The following NBPF15 variants were observed in gnomAD, a reference collection of about 807,000 sequenced individuals.
NBPF15 encodes the protein NBPF family member NBPF15.
NBPF15 carries 74 observed loss-of-function variants against 62.2 expected under a neutral mutation model. The ratio of observed to expected loss-of-function variants is 1.19; its 90% CI spans 0.99 to 1.44. NBPF15 has a LOEUF of 1.44. Ranked by LOEUF, NBPF15 falls within the 40% of genes most tolerant of loss-of-function variation. The pLI is 0.00. For missense variants in NBPF15, 790 were observed against 550.0 expected, an observed-to-expected ratio of 1.44 and a Z score of -4.36; for synonymous variants, 244 against 209.7, an observed-to-expected ratio of 1.16 and a Z score of -1.41.
At position 144,456,705 on chromosome 1, in the gene NBPF15, C is replaced by G. The variant is rs1648116939; in HGVS notation, c.-600G>C. ...AGGCCAAGAACACACAGCACTGAAG[C>G]TCCAGGACACCCTCAGGAGGACGGT... On this transcript the variant is annotated 5_prime_UTR_variant, in exon 4 of 22. Transcript: ENST00000581897. The G allele has an allele frequency of 3.0e-6, 4 of 1,320,994 alleles. No individual in the cohort carries two copies. Among genetic ancestry groups the G allele is most frequent in the Non-Finnish European group, 3.9e-6 (4 of 1,019,438 alleles). 81.8% of individuals were successfully genotyped at this position (1,320,994 alleles called of 1,614,324 possible). A position where few individuals can be genotyped will look rare whatever the true frequency, so the allele number is the denominator to read the frequency against.
chr1:144,459,658 A>T (rs1553547895), intron 2 of NBPF15, among the ~76,000 whole-genome samples, 175 bp from the exon 3 acceptor site: 2 of 151,990 alleles, frequency 1.3e-5, no homozygotes, highest in African/African-American at 4.8e-5. Flanking sequence ...CAAGCATATC[A>T]ATGAAAACTG....
intron 21 of NBPF15, 27 bp from the exon 22 acceptor site, chr1:144,423,283 G>A (rs782107803): frequency 3.7e-6 from 6 of 1,611,292 alleles, no homozygotes; most frequent in East Asian, 2.2e-5. Flanking sequence ...AACTAAAGAA[G>A]CAGCCAGGGA....
At chr1:144,444,240 G>A (rs1302949476) in intron 6 of NBPF15, among the ~76,000 whole-genome samples, 2 of 148,668 alleles carry the variant, frequency 1.3e-5, no homozygotes, top group Non-Finnish European at 3.0e-5. Flanking sequence ...TTTCAGTACC[G>A]ACTGAGTGGT....
intron 16 of NBPF15, among the ~76,000 whole-genome samples, chr1:144,427,405 C>G (rs1458835561): frequency 7.0e-6 from 1 of 143,820 alleles, no homozygotes; most frequent in Non-Finnish European, 1.5e-5. Context: ...CAAATGGTTG[C>G]TAGGAGAAAA....
At chr1:144,457,815 G>A (rs1490491377) in intron 3 of NBPF15, among the ~76,000 whole-genome samples, 13 of 152,090 alleles carry the variant, frequency 8.5e-5, no homozygotes, top group Non-Finnish European at 1.5e-4. Flanking sequence ...AATGGCCAGC[G>A]GTGATGGCTT....
chr1:144,449,285 G>T (rs587706801), intron 5 of NBPF15, among the ~76,000 whole-genome samples: 1 of 151,690 alleles, frequency 6.6e-6, no homozygotes, highest in African/African-American at 2.4e-5. Context: ...AAAATGTCTG[G>T]CATATTCTTA....
chr1:144,455,243 A>C (rs1374480175), intron 4 of NBPF15, among the ~76,000 whole-genome samples: 3 of 150,070 alleles, frequency 2.0e-5, no homozygotes, highest in African/African-American at 7.4e-5. Flanking sequence ...AAAGAGAGAG[A>C]GAAAAAGAGT....
intron 15 of NBPF15, among the ~76,000 whole-genome samples, chr1:144,428,405 C>T (rs1671569825): frequency 6.6e-6 from 1 of 152,034 alleles, no homozygotes; most frequent in African/African-American, 2.4e-5. Flanking sequence ...TCAACCTTCA[C>T]TAGGTTAGTA....
Position 144,423,160 on chromosome 1 carries a change from A to C in NBPF15, c.1866T>G (p.Pro622=), listed in dbSNP as rs1396082527. 1 of 1,611,492 alleles carries C rather than the reference A, an allele frequency of 6.2e-7. No homozygotes were observed. Among genetic ancestry groups the C allele is most frequent in the African/African-American group, 1.3e-5 (1 of 74,754 alleles). ...CACTTCTGTAGTGCTGGAATGAGTC[A>C]GGTTGTTCAAAGTACATTGACGGAG... is the stretch of plus-strand genomic sequence containing the variant. ...YSTPSMYFEQ[P]DSFQHYRSVF... is the part of the protein sequence containing the mutation. Residue 622 remains proline, a synonymous_variant, in exon 22 of 22, where the codon CCT becomes CCG. Coordinates refer to ENST00000581897, the MANE Select transcript of NBPF15 (RefSeq NM_001385408.1).
chr1:144,450,410 G>A (rs587712189), intron 5 of NBPF15, among the ~76,000 whole-genome samples: 7 of 152,034 alleles, frequency 4.6e-5, no homozygotes, highest in East Asian at 3.9e-4. Flanking sequence ...GTGTCTCCCC[G>A]CTGACAGCCA....
At chr1:144,424,609 T>G in intron 20 of NBPF15, 81 bp downstream of exon 20, 1 of 658,854 alleles carries the variant, frequency 1.5e-6, no homozygotes, top group South Asian at 1.9e-5. Flanking sequence ...CTCAGCTCAG[T>G]AATGGCCAAT....
Position 144,428,002 on chromosome 1 carries a change from G to T in NBPF15, c.1041-12C>A, listed in dbSNP as rs1259262381. The T allele has an allele frequency of 4.9e-5, 37 of 747,566 alleles. No homozygotes were observed. The highest frequency in any genetic ancestry group is 8.7e-5 in the Non-Finnish European group (35 of 402,636). The allele number at this position is 747,566 out of a possible 1,614,324, so 46.3% of individuals were successfully genotyped here. A position where few individuals can be genotyped will look rare whatever the true frequency, so the allele number is the denominator to read the frequency against. Reference sequence around the variant, plus strand: ...GCTCCCTGCTGAGCCTGGAAAAGTGGGAAAAAGTAAAGAATAAGCCAGGGG... The same window carrying T: ...GCTCCCTGCTGAGCCTGGAAAAGTGTGAAAAAGTAAAGAATAAGCCAGGGG... On this transcript the variant is annotated splice_polypyrimidine_tract_variant and intron_variant, in intron 15 of 21. Coordinates refer to ENST00000581897, the MANE Select transcript of NBPF15 (RefSeq NM_001385408.1).
At chr1:144,432,362 C>T (rs1428387545) in intron 13 of NBPF15, among the ~76,000 whole-genome samples, 4 of 151,926 alleles carry the variant, frequency 2.6e-5, no homozygotes, top group Non-Finnish European at 4.4e-5. Context: ...ACATGCCAAA[C>T]TGTAAAGACC....
rs587717320 is a variant in NBPF15 at position 144,447,897 on chromosome 1, G to A, written c.-191+878C>T. 3.9e-5 allele frequency among the ~76,000 whole-genome samples: 6 copies of A among 152,138 alleles called. No homozygotes were observed. The South Asian group carries it at 8.3e-4, about 21-fold the overall frequency. ...AGTACACAGAGACTGCCAGGCTGAG[G>A]GAAGGTGCAAGAGAATAGAAGAGAT... On this transcript the variant is annotated intron_variant, in intron 6 of 21. Transcript: ENST00000581897.
In NBPF15 at chr1:144,445,332, AATATAT is replaced by A. The variant is rs1246556657; in HGVS notation, c.-191+3437_-191+3442del. Among the ~76,000 whole-genome samples, 332 of 92,520 alleles carry A rather than the reference AATATAT, an allele frequency of 3.6e-3. 4 individuals are homozygous for A. In the South Asian group the frequency reaches 0.055, roughly 15 times the overall value. 60.7% of individuals were successfully genotyped at this position (92,520 alleles called of 152,430 possible). A position where few individuals can be genotyped will look rare whatever the true frequency, so the allele number is the denominator to read the frequency against. ...GGAGATGATAATCTTCAAAACGGTG[AATATAT>A]ATATATATATATATATACACACACA... On this transcript the variant is annotated intron_variant, in intron 6 of 21. Coordinates refer to ENST00000581897, the MANE Select transcript of NBPF15 (RefSeq NM_001385408.1).
chr1:144,443,809 A>G (rs1489985900), intron 6 of NBPF15, among the ~76,000 whole-genome samples: 1 of 150,768 alleles, frequency 6.6e-6, no homozygotes, highest in Non-Finnish European at 1.5e-5. Context: ...GTGTAATTCA[A>G]TGCACGTTTA....
chr1:144,457,249 G>A (rs1353174597), intron 3 of NBPF15, among the ~76,000 whole-genome samples: 3 of 152,120 alleles, frequency 2.0e-5, no homozygotes, highest in East Asian at 1.9e-4. Context: ...ACAAGAATTC[G>A]ATTCTTTCTG....
At chr1:144,437,457 GCCACTAGATACAAAGCCAT>G (rs1679358940) in intron 9 of NBPF15, among the ~76,000 whole-genome samples, 1 of 144,952 alleles carries the variant, frequency 6.9e-6, no homozygotes, top group African/African-American at 2.6e-5. Flanking sequence ...GCATCTTGCG[GCCACTAGATACAAAGCCAT>G]GTACAGAAAT....
intron 5 of NBPF15, among the ~76,000 whole-genome samples, chr1:144,450,281 C>A (rs1271830999): frequency 7.2e-6 from 1 of 138,524 alleles, no homozygotes; most frequent in African/African-American, 2.8e-5. Flanking sequence ...CTTTGTGTGG[C>A]TGGTTGGAGA....
Sources: allele counts gnomAD v4.1 joint callset (sites outside exome capture counted in the v4.1 genomes callset), GRCh38; gene constraint gnomAD v4.1.1; transcripts MANE v1.5; gene names NCBI Gene and HGNC (gene_info 2026-07-23, HGNC 2026-07-21).